BCAT1: variants seen among roughly 807,000 people sequenced by gnomAD.
BCAT1 encodes branched-chain-amino-acid aminotransferase, cytosolic.
BCAT1 carries 48 observed loss-of-function variants against 52.4 expected under a neutral mutation model. That is an observed-to-expected ratio of 0.92 (90% CI 0.73 to 1.16). The LOEUF (loss-of-function observed/expected upper bound fraction) is 1.16, where lower values mean the gene tolerates loss of function less well. Among genes scored for constraint, BCAT1 ranks in the 50% most tolerant of loss-of-function variants. The pLI is 0.00. For synonymous variants in BCAT1, 167 were observed against 161.3 expected (o/e 1.04, Z -0.27); for missense variants, 451 against 457.1 (o/e 0.99, Z 0.12).
chr12:24,938,398 T>C (rs1266865667), intron 1 of BCAT1, among the ~76,000 whole-genome samples: 3 of 152,038 alleles, frequency 2.0e-5, no homozygotes, highest in African/African-American at 4.8e-5. Context: ...GCAAAGGTTA[T>C]TGGGGGCAGA....
intron 7 of BCAT1, 41 bp downstream of exon 7, chr12:24,842,041 A>G (rs1159696542): frequency 6.2e-7 from 1 of 1,603,310 alleles, no homozygotes; most frequent in South Asian, 1.1e-5. Flanking sequence ...TCCTGTTGAA[A>G]ATGACTGAGA....
At chr12:24,833,921 A>G (rs1490426453) in intron 8 of BCAT1, 1 of 155,258 alleles carries the variant, frequency 6.4e-6, no homozygotes, top group African/African-American at 2.4e-5. Flanking sequence ...CCCAGGCCCA[A>G]GTGATCCTCC....
intron 8 of BCAT1, chr12:24,834,832 T>G: frequency 4.6e-6 from 5 of 1,087,334 alleles, no homozygotes; most frequent in Non-Finnish European, 5.7e-6. Context: ...AAAAGAAAAC[T>G]CTTTTGTAAA....
At chr12:24,936,978 C>G (rs1392990639) in intron 1 of BCAT1, among the ~76,000 whole-genome samples, 1 of 152,082 alleles carries the variant, frequency 6.6e-6, no homozygotes, top group Admixed American at 6.6e-5. Flanking sequence ...GGGGCTATGA[C>G]TCAGCCTACC....
intron 10 of BCAT1, among the ~76,000 whole-genome samples, chr12:24,822,046 TGAG>T (rs1940160053): frequency 6.6e-6 from 1 of 152,070 alleles, no homozygotes. Flanking sequence ...AGTATGATGG[TGAG>T]TAACTGGAAC....
intron 1 of BCAT1, among the ~76,000 whole-genome samples, chr12:24,915,901 T>G (rs1943400030): frequency 6.6e-6 from 1 of 152,248 alleles, no homozygotes; most frequent in South Asian, 2.1e-4. Flanking sequence ...CTCACGCCTG[T>G]AATCCCAGCA....
At chr12:24,877,722 G>A (rs756101947) in intron 5 of BCAT1, among the ~76,000 whole-genome samples, 4 of 152,184 alleles carry the variant, frequency 2.6e-5, no homozygotes, top group Admixed American at 6.5e-5. Flanking sequence ...CCTCAGAGAA[G>A]TACTGCCACA....
chr12:24,899,326 A>G (rs900811506), intron 2 of BCAT1, among the ~76,000 whole-genome samples: 8 of 152,356 alleles, frequency 5.3e-5, no homozygotes, highest in African/African-American at 1.9e-4. Flanking sequence ...AGGTAGAGAA[A>G]TATGTCAAAA....
intron 1 of BCAT1, among the ~76,000 whole-genome samples, chr12:24,918,548 G>A (rs1004959493): frequency 6.6e-6 from 1 of 152,008 alleles, no homozygotes; most frequent in Non-Finnish European, 1.5e-5. Context: ...TGGACTTCCA[G>A]GGGTCCTATT....
intron 1 of BCAT1, among the ~76,000 whole-genome samples, chr12:24,936,149 C>T (rs573726246): frequency 6.6e-6 from 1 of 152,340 alleles, no homozygotes; most frequent in African/African-American, 2.4e-5. Flanking sequence ...TACAGTAGCA[C>T]ACCATTTCCA....
intron 1 of BCAT1, chr12:24,904,519 G>C (rs1002106567): frequency 6.6e-6 from 1 of 152,256 alleles, no homozygotes; most frequent in Non-Finnish European, 1.5e-5. Context: ...TGTATTAACT[G>C]CTTCTATTTC....
At chr12:24,928,704 T>TTTGTTGTTGTTGTTG (rs71063374) in intron 1 of BCAT1, among the ~76,000 whole-genome samples, 2 of 144,090 alleles carry the variant, frequency 1.4e-5, no homozygotes, top group Admixed American at 7.0e-5. Context: ...GTGTGAAATG[T>TTTGTTGTTGTTGTTG]TTGTTGTTGT....
chr12:24,936,740 CAT>C lies in BCAT1; in HGVS notation c.6+12185_6+12186del, dbSNP rs1565506091. Among the ~76,000 whole-genome samples, 473 of 149,944 alleles carry C rather than the reference CAT, an allele frequency of 3.2e-3. 4 individuals carry two copies. The highest frequency in any genetic ancestry group is 0.011 in the African/African-American group (443 of 41,022). ...TCTCTCTCTCACACACACACACACACATACACACACACATACACACACACCCC... is the reference window on the plus strand; with the variant it reads ...TCTCTCTCTCACACACACACACACACACACACACACATACACACACACCCC... On this transcript the variant is annotated intron_variant, in intron 1 of 10. Transcript: ENST00000261192.
intron 6 of BCAT1, 128 bp from the exon 7 acceptor site, chr12:24,842,352 A>G: frequency 5.9e-6 from 6 of 1,009,190 alleles, no homozygotes; most frequent in Non-Finnish European, 8.7e-6. Flanking sequence ...TTCTTAATAT[A>G]TATACACTCT....
chr12:24,885,635 C>A lies in BCAT1; in HGVS notation c.280-4224G>T, dbSNP rs545998212. Reference sequence around the variant, plus strand: ...CTCTTGGAGAACAAAGTAGAAGGACCCTTCCTAGCAGGCAAGGCTCATTAT... The same window carrying A: ...CTCTTGGAGAACAAAGTAGAAGGACACTTCCTAGCAGGCAAGGCTCATTAT... On this transcript the variant is annotated intron_variant, in intron 3 of 10. Transcript: ENST00000261192. 1.3e-4 allele frequency among the ~76,000 whole-genome samples: 20 copies of A among 152,220 alleles called. No homozygotes were observed. In the East Asian group the frequency reaches 3.9e-3, roughly 29 times the overall value.
At chr12:24,939,446 AT>A (rs1442708033) in intron 1 of BCAT1, among the ~76,000 whole-genome samples, 5 of 152,234 alleles carry the variant, frequency 3.3e-5, no homozygotes, top group African/African-American at 1.2e-4. Context: ...TACACATTAC[AT>A]TTAACTTGCT....
intron 1 of BCAT1, among the ~76,000 whole-genome samples, chr12:24,917,384 G>C (rs1377908337): frequency 6.6e-6 from 1 of 152,004 alleles, no homozygotes; most frequent in African/African-American, 2.4e-5. Flanking sequence ...GGGTTTCACC[G>C]TGTTAGCCAG....
At chr12:24,830,136 A>G (rs571703464) in intron 9 of BCAT1, 11 of 367,260 alleles carry the variant, frequency 3.0e-5, no homozygotes, top group South Asian at 2.0e-4. Flanking sequence ...ATTTTAGGGC[A>G]TAACTGGTTT....
chr12:24,862,557 C>T (rs1941873868), intron 5 of BCAT1, among the ~76,000 whole-genome samples: 1 of 152,190 alleles, frequency 6.6e-6, no homozygotes, highest in Non-Finnish European at 1.5e-5. Context: ...AATGTTAAGG[C>T]TCCACCCCAA....
Sources: allele counts gnomAD v4.1 joint callset (sites outside exome capture counted in the v4.1 genomes callset), GRCh38; gene constraint gnomAD v4.1.1; transcripts MANE v1.5; gene names NCBI Gene and HGNC (gene_info 2026-07-23, HGNC 2026-07-21).